COL23A1: variants seen among roughly 807,000 people sequenced by gnomAD.
COL23A1 encodes collagen alpha-1(XXIII) chain.
Under a neutral mutation model 99.3 loss-of-function variants are expected in COL23A1, and 97 were observed. That is an observed-to-expected ratio of 0.98 (90% CI 0.83 to 1.16). COL23A1 has a LOEUF of 1.16. COL23A1 is among the 50% of genes most tolerant of loss of function. The pLI, the probability that COL23A1 is intolerant of heterozygous loss-of-function variation, is 0.00. For missense variants in COL23A1, 762 were observed against 757.4 expected (o/e 1.01, Z -0.07); for synonymous variants, 320 against 308.2 (o/e 1.04, Z -0.40).
chr5:178,347,741 C>T (rs1254163934), intron 2 of COL23A1, among the ~76,000 whole-genome samples: 6 of 151,664 alleles, frequency 4.0e-5, no homozygotes, highest in Admixed American at 6.6e-5. Flanking sequence ...ATTAGCTGGG[C>T]GCACTGGCGG....
intron 2 of COL23A1, among the ~76,000 whole-genome samples, chr5:178,417,181 T>A (rs1186479591): frequency 6.6e-6 from 1 of 152,164 alleles, no homozygotes; most frequent in African/African-American, 2.4e-5. Flanking sequence ...TGCCAGTCTT[T>A]CCCAACGGAT....
Position 178,550,660 on chromosome 5 carries a change from C to G in COL23A1, c.361+10022G>C, listed in dbSNP as rs1053548244. Reference sequence around the variant, plus strand: ...TGGAATATACCCCGGCATAAGAAGTCAGGTAAGAAGCCAGATAGTATTACT... The same window carrying G: ...TGGAATATACCCCGGCATAAGAAGTGAGGTAAGAAGCCAGATAGTATTACT... On this transcript the variant is annotated intron_variant, in intron 2 of 28. Transcript: ENST00000390654. Among the ~76,000 whole-genome samples the G allele has an allele frequency of 1.2e-4, 18 of 152,124 alleles. 1 individual carries two copies. The highest frequency in any genetic ancestry group is 1.3e-4 in the Admixed American group (2 of 15,266).
intron 2 of COL23A1, among the ~76,000 whole-genome samples, chr5:178,335,261 T>C (rs936950180): frequency 6.6e-6 from 1 of 152,230 alleles, no homozygotes; most frequent in African/African-American, 2.4e-5. Context: ...AGAGAAATGA[T>C]GTGTTCATAA....
chr5:178,498,895 T>C (rs1053429179), intron 2 of COL23A1, among the ~76,000 whole-genome samples: 3 of 150,438 alleles, frequency 2.0e-5, no homozygotes, highest in Admixed American at 1.3e-4. Context: ...TTCAAGACCA[T>C]CCTGGCCAAC....
intron 16 of COL23A1, among the ~76,000 whole-genome samples, chr5:178,253,582 AAGTG>A (rs201536485): frequency 0.04 from 6,087 of 151,846 alleles, 402 homozygotes; most frequent in African/African-American, 0.14. Flanking sequence ...TCCCGGGTTC[AAGTG>A]ATTCTCCTGC....
At chr5:178,295,413 A>T (rs1757686950) in intron 3 of COL23A1, among the ~76,000 whole-genome samples, 1 of 152,246 alleles carries the variant, frequency 6.6e-6, no homozygotes, top group Admixed American at 6.5e-5. Context: ...GCTAATCTTC[A>T]TTCATAATAA....
At chr5:178,500,422 T>TAA (rs1281195370) in intron 2 of COL23A1, among the ~76,000 whole-genome samples, 1 of 11,564 alleles carries the variant, frequency 8.6e-5, no homozygotes, top group Non-Finnish European at 1.4e-4. Flanking sequence ...ACCCCATCTC[T>TAA]ACAAAAAAAA....
intron 2 of COL23A1, among the ~76,000 whole-genome samples, chr5:178,481,287 G>C (rs1284565178): frequency 1.3e-5 from 2 of 152,096 alleles, no homozygotes; most frequent in South Asian, 2.1e-4. Context: ...ACTCTTAGAA[G>C]AAAACATAGG....
chr5:178,532,373 AGAACTGTCCTC>A (rs1281829070), intron 2 of COL23A1, among the ~76,000 whole-genome samples: 1 of 152,226 alleles, frequency 6.6e-6, no homozygotes, highest in Non-Finnish European at 1.5e-5. Context: ...AGGGAGCAGC[AGAACTGTCCTC>A]GGACCAAATG....
chr5:178,478,871 T>A (rs189714864), intron 2 of COL23A1, among the ~76,000 whole-genome samples: 28 of 152,232 alleles, frequency 1.8e-4, no homozygotes, highest in Non-Finnish European at 3.4e-4. Context: ...GGCACAGAGA[T>A]CCTGGCTCCA....
chr5:178,467,186 C>G, intron 2 of COL23A1, among the ~76,000 whole-genome samples: 1 of 152,180 alleles, frequency 6.6e-6, no homozygotes. Flanking sequence ...GCTCAGTATT[C>G]TTTTTCTGAC....
rs562779846 is a variant in COL23A1, at chr5:178,316,422, C to T, written c.362-9503G>A. Among the ~76,000 whole-genome samples, 186 of 152,260 alleles carry T rather than the reference C, an allele frequency of 1.2e-3. 1 individual carries two copies. Among genetic ancestry groups the T allele is most frequent in the African/African-American group, 3.9e-3 (161 of 41,538 alleles). ...ATATTTATGATATACAGAGTTTTAA[C>T]GAAATTTGAACGATTAAAATTAAGC... On this transcript the variant is annotated intron_variant, in intron 2 of 28. Coordinates refer to ENST00000390654, the MANE Select transcript of COL23A1 (RefSeq NM_173465.4).
intron 2 of COL23A1, among the ~76,000 whole-genome samples, chr5:178,483,745 C>T (rs190486770): frequency 2.0e-5 from 3 of 152,328 alleles, no homozygotes; most frequent in African/African-American, 7.2e-5. Context: ...GGTTACGGGG[C>T]CCATCTCCAA....
At chr5:178,483,040 C>T (rs55768745) in intron 2 of COL23A1, among the ~76,000 whole-genome samples, 32,592 of 151,800 alleles carry the variant, frequency 0.21, 3,912 homozygotes, top group Middle Eastern at 0.28. Context: ...CCACTGCACA[C>T]CAGCCTGGGA....
chr5:178,335,510 G>A lies in COL23A1; in HGVS notation c.362-28591C>T, dbSNP rs6862830. 8.0e-3 allele frequency among the ~76,000 whole-genome samples: 1,220 copies of A among 152,338 alleles called. 11 individuals are homozygous for A. Among genetic ancestry groups the A allele is most frequent in the African/African-American group, 0.028 (1,162 of 41,568 alleles). On this transcript the variant is annotated intron_variant, in intron 2 of 28. Coordinates refer to ENST00000390654, the MANE Select transcript of COL23A1 (RefSeq NM_173465.4). The stretch of plus-strand genomic sequence containing the variant: ...GCTTATTTCATGAGCTGAATATGCA[G>A]CGCCTGGGCATGTACCAGATATTCC...
At chr5:178,312,793 C>A (rs1758773640) in intron 2 of COL23A1, among the ~76,000 whole-genome samples, 1 of 150,262 alleles carries the variant, frequency 6.7e-6, no homozygotes, top group African/African-American at 2.5e-5. Flanking sequence ...TTCAGCCAGC[C>A]CCTGAGGACA....
At chr5:178,297,731 T>C (rs1757820997) in intron 3 of COL23A1, among the ~76,000 whole-genome samples, 1 of 151,958 alleles carries the variant, frequency 6.6e-6, no homozygotes, top group East Asian at 1.9e-4. Context: ...TCTGCCCAGT[T>C]CATTGTCTCC....
At chr5:178,266,704 T>C (rs1755923806) in intron 8 of COL23A1, among the ~76,000 whole-genome samples, 2 of 152,162 alleles carry the variant, frequency 1.3e-5, no homozygotes, top group South Asian at 4.1e-4. Context: ...GCTCAGGGGC[T>C]TGGCCTGGCC....
At chr5:178,447,156 C>T (rs1767206895) in intron 2 of COL23A1, among the ~76,000 whole-genome samples, 1 of 151,410 alleles carries the variant, frequency 6.6e-6, no homozygotes, top group Non-Finnish European at 1.5e-5. Context: ...TGCAGAGGTA[C>T]AATCTCAGCT....
Sources: allele counts gnomAD v4.1 joint callset (sites outside exome capture counted in the v4.1 genomes callset), GRCh38; gene constraint gnomAD v4.1.1; transcripts MANE v1.5; gene names NCBI Gene and HGNC (gene_info 2026-07-23, HGNC 2026-07-21).